ULK4: variants seen among roughly 807,000 people sequenced by gnomAD.
ULK4 encodes the protein inactive serine/threonine-protein kinase ULK4.
ULK4 carries 133 observed loss-of-function variants against 160.6 expected under a neutral mutation model. The observed-to-expected ratio is 0.83, with a 90% CI of 0.72 to 0.96. ULK4 has a LOEUF of 0.96. ULK4 is among the 40% of genes least tolerant of loss of function. ULK4 has a pLI of 0.00. For synonymous variants in ULK4, 534 were observed against 539.8 expected (o/e 0.99, Z 0.15); for missense variants, 1,580 against 1,499.5 (o/e 1.05, Z -0.89).
intron 35 of ULK4, among the ~76,000 whole-genome samples, chr3:41,352,373 A>G (rs1405187833): frequency 6.6e-6 from 1 of 152,186 alleles, no homozygotes; most frequent in Non-Finnish European, 1.5e-5. Context: ...ACCACTGACT[A>G]GTACTTATTA....
chr3:41,566,591 A>G (rs961361336), intron 31 of ULK4, among the ~76,000 whole-genome samples: 6 of 152,254 alleles, frequency 3.9e-5, no homozygotes, highest in Non-Finnish European at 7.3e-5. Context: ...GCAATAAACT[A>G]CATTTGGACC....
At chr3:41,528,791 CTTGTT>C (rs1335072821) in intron 32 of ULK4, among the ~76,000 whole-genome samples, 1 of 152,064 alleles carries the variant, frequency 6.6e-6, no homozygotes, top group African/African-American at 2.4e-5. Flanking sequence ...CCAGTTTTGT[CTTGTT>C]TTTACCCACA....
rs183098270 is a variant in ULK4, at chr3:41,250,317, G to A, written c.3679-743C>T. 1.4e-3 allele frequency among the ~76,000 whole-genome samples: 215 copies of A among 152,258 alleles called. 1 individual carries two copies. Among genetic ancestry groups the A allele is most frequent in the Non-Finnish European group, 1.8e-3 (121 of 68,018 alleles). ...TTAGACTTGCTTCTCTTAATTCACC[G>A]TTGCCTCCTATTGTTATCTTTGTTA... On this transcript the variant is annotated intron_variant, in intron 35 of 36. Coordinates refer to ENST00000301831, the MANE Select transcript of ULK4 (RefSeq NM_017886.4).
intron 17 of ULK4, among the ~76,000 whole-genome samples, chr3:41,852,557 G>A (rs9846634): frequency 0.18 from 27,665 of 151,884 alleles, 2,577 homozygotes; most frequent in Middle Eastern, 0.32. Flanking sequence ...TTTGCAAGAC[G>A]TTAAGAAAAC....
At chr3:41,819,356 C>A in intron 19 of ULK4, 67 bp downstream of exon 19, 1 of 1,475,844 alleles carries the variant, frequency 6.8e-7, no homozygotes, top group Non-Finnish European at 9.3e-7. Flanking sequence ...AGGCTACAAT[C>A]CTCATACAGT....
rs756875160 is a variant in ULK4, at chr3:41,806,829, A to C, written c.1849-6536T>G. On this transcript the variant is annotated intron_variant, in intron 19 of 36. Coordinates refer to ENST00000301831, the MANE Select transcript of ULK4 (RefSeq NM_017886.4). ...ATTTCTGCTCATAATGACACCATTAAGCCTCATAGTATCTCAGGCCAGGAA... is the reference window on the plus strand; with the variant it reads ...ATTTCTGCTCATAATGACACCATTACGCCTCATAGTATCTCAGGCCAGGAA... 4.6e-5 allele frequency among the ~76,000 whole-genome samples: 7 copies of C among 152,340 alleles called. No individual in the cohort carries two copies. The Middle Eastern group carries it at 0.01, about 222-fold the overall frequency.
chr3:41,460,884 T>C (rs1325564768), intron 33 of ULK4, among the ~76,000 whole-genome samples: 2 of 152,118 alleles, frequency 1.3e-5, no homozygotes, highest in African/African-American at 2.4e-5. Flanking sequence ...AGGAAACTGA[T>C]ACTTAGGTGC....
intron 17 of ULK4, among the ~76,000 whole-genome samples, chr3:41,867,862 T>A (rs1043648915): frequency 1.3e-5 from 2 of 152,218 alleles, no homozygotes; most frequent in African/African-American, 4.8e-5. Context: ...TTCTAAAAAT[T>A]TGTGAGATTT....
intron 34 of ULK4, among the ~76,000 whole-genome samples, chr3:41,431,356 A>C (rs965291197): frequency 1.8e-4 from 6 of 33,628 alleles, no homozygotes; most frequent in African/African-American, 7.1e-4. Context: ...CACACACACA[A>C]ATAATAATAA....
chr3:41,732,848 C>G (rs980138896), intron 22 of ULK4, among the ~76,000 whole-genome samples: 1 of 151,908 alleles, frequency 6.6e-6, no homozygotes, highest in African/African-American at 2.4e-5. Context: ...GAGGGCATTA[C>G]GTTAAGTGAA....
At position 41,389,986 on chromosome 3, in the gene ULK4, G is replaced by T. The variant is rs200343935; in HGVS notation, c.3678+8093C>A. On this transcript the variant is annotated intron_variant, in intron 35 of 36. Coordinates refer to ENST00000301831, the MANE Select transcript of ULK4 (RefSeq NM_017886.4). Reference sequence around the variant, plus strand: ...TTGTACCTCTGGTAGAATTCGGCTGGGAATCCATCTGGTCCTGAACTCTTT... The same window carrying T: ...TTGTACCTCTGGTAGAATTCGGCTGTGAATCCATCTGGTCCTGAACTCTTT... Among the ~76,000 whole-genome samples the T allele has an allele frequency of 6.7e-3, 1,014 of 152,024 alleles. 4 individuals carry two copies. The highest frequency in any genetic ancestry group is 0.015 in the East Asian group (79 of 5,162).
chr3:41,446,732 TG>T (rs1559608532), intron 34 of ULK4, among the ~76,000 whole-genome samples: 2 of 24,986 alleles, frequency 8.0e-5, no homozygotes, highest in Admixed American at 5.8e-4. Context: ...TGTTGTGGGG[TG>T]GGGGGAGGGT....
At chr3:41,612,474 A>G (rs1329892925) in intron 31 of ULK4, among the ~76,000 whole-genome samples, 1 of 152,190 alleles carries the variant, frequency 6.6e-6, no homozygotes, top group Non-Finnish European at 1.5e-5. Context: ...CTCTCCCTGC[A>G]ACGTGAACTT....
chr3:41,416,352 G>A (rs1196065732), intron 34 of ULK4, among the ~76,000 whole-genome samples: 1 of 152,080 alleles, frequency 6.6e-6, no homozygotes, highest in East Asian at 1.9e-4. Context: ...ACCACCACAG[G>A]TCCTCATTAC....
chr3:41,478,489 A>G (rs1192953621), intron 32 of ULK4, among the ~76,000 whole-genome samples: 1 of 152,160 alleles, frequency 6.6e-6, no homozygotes, highest in Non-Finnish European at 1.5e-5. Context: ...ATGATTAGCA[A>G]AGATTACTGT....
chr3:41,672,137 C>T (rs1025079717), intron 29 of ULK4, among the ~76,000 whole-genome samples: 1 of 151,920 alleles, frequency 6.6e-6, no homozygotes, highest in African/African-American at 2.4e-5. Flanking sequence ...TGTAACATAG[C>T]CATTATGATA....
intron 27 of ULK4, among the ~76,000 whole-genome samples, chr3:41,682,656 T>A (rs143462335): frequency 9.6e-4 from 146 of 152,332 alleles, no homozygotes; most frequent in African/African-American, 3.4e-3. Context: ...AGGAAATTTA[T>A]ATGTGACAGT....
intron 35 of ULK4, among the ~76,000 whole-genome samples, chr3:41,298,821 T>C (rs1432917544): frequency 6.6e-6 from 1 of 152,236 alleles, no homozygotes; most frequent in Non-Finnish European, 1.5e-5. Context: ...TGGTGTGTAC[T>C]AGTTGAATCT....
At chr3:41,500,585 T>C (rs1177044913) in intron 32 of ULK4, among the ~76,000 whole-genome samples, 1 of 152,152 alleles carries the variant, frequency 6.6e-6, no homozygotes, top group African/African-American at 2.4e-5. Context: ...CCCAATCCCC[T>C]GGATCGAAGC....
Sources: gnomAD v4.1 joint callset for allele counts (sites outside exome capture counted in the v4.1 genomes callset) on GRCh38, gnomAD v4.1.1 for gene constraint, MANE v1.5 for transcripts, NCBI Gene and HGNC (gene_info 2026-07-23, HGNC 2026-07-21) for gene names.